VSNL1: variants seen among roughly 807,000 people sequenced by gnomAD.
VSNL1 encodes visinin-like protein 1.
In VSNL1, 6 loss-of-function variants were observed where a neutral mutation model predicts 20.4. The ratio of observed to expected loss-of-function variants is 0.29; its 90% CI spans 0.16 to 0.58. The LOEUF is 0.58. VSNL1 is among the 20% of genes least tolerant of loss of function. The pLI is 0.90. For synonymous variants in VSNL1, 93 were observed against 86.4 expected, an observed-to-expected ratio of 1.08 and a Z score of -0.42; for missense variants, 100 against 234.5, an observed-to-expected ratio of 0.43 and a Z score of 3.75.
At chr2:17,583,671 C>T (rs1016089236) in intron 1 of VSNL1, among the ~76,000 whole-genome samples, 5 of 152,348 alleles carry the variant, frequency 3.3e-5, no homozygotes, top group Non-Finnish European at 7.3e-5. Context: ...GGAAACTTCA[C>T]TCAATGGTTG....
chr2:17,556,574 A>T (rs1663683106), intron 1 of VSNL1, among the ~76,000 whole-genome samples: 1 of 152,204 alleles, frequency 6.6e-6, no homozygotes, highest in African/African-American at 2.4e-5. Flanking sequence ...TTGTGCATGT[A>T]ACATACTTAG....
intron 1 of VSNL1, among the ~76,000 whole-genome samples, chr2:17,576,520 G>A (rs1440962867): frequency 1.3e-5 from 2 of 152,106 alleles, no homozygotes; most frequent in Non-Finnish European, 2.9e-5. Context: ...TTATTTGTAG[G>A]TGTAAACTTG....
At position 17,563,667 on chromosome 2, in the gene VSNL1, T is replaced by C. The variant is rs188773778; in HGVS notation, c.-6+22749T>C. Reference sequence around the variant, plus strand: ...ATCACTTGAACTCAGGAGGCGGAGGTTGCAGTGAGCCGAGATCGCACCACT... The same window carrying C: ...ATCACTTGAACTCAGGAGGCGGAGGCTGCAGTGAGCCGAGATCGCACCACT... On this transcript the variant is annotated intron_variant, in intron 1 of 3. Transcript: ENST00000295156. 5.9e-5 allele frequency among the ~76,000 whole-genome samples: 9 copies of C among 152,030 alleles called. No individual in the cohort carries two copies. In the East Asian group the frequency reaches 1.7e-3, roughly 29 times the overall value.
intron 1 of VSNL1, among the ~76,000 whole-genome samples, chr2:17,571,027 A>G (rs1397891892): frequency 6.6e-6 from 1 of 151,328 alleles, no homozygotes; most frequent in Non-Finnish European, 1.5e-5. Context: ...CTCCATCTCA[A>G]AAAAAAAATA....
intron 2 of VSNL1, among the ~76,000 whole-genome samples, chr2:17,616,396 ACTTT>A (rs1264363622): frequency 1.3e-5 from 2 of 152,190 alleles, no homozygotes; most frequent in African/African-American, 2.4e-5. Context: ...CCAATCGGTG[ACTTT>A]CTTTATCATG....
intron 1 of VSNL1, among the ~76,000 whole-genome samples, chr2:17,583,753 A>G (rs530032089): frequency 3.9e-5 from 6 of 152,310 alleles, no homozygotes; most frequent in Admixed American, 1.3e-4. Context: ...ACTTTTATGT[A>G]AAGGAAGGAG....
In VSNL1 at chr2:17,649,062, G is replaced by A. The variant is rs1312118193; in HGVS notation, c.163-348G>A. Among the ~76,000 whole-genome samples the A allele has an allele frequency of 6.6e-6, 1 of 152,102 alleles. No homozygotes were observed. Among genetic ancestry groups the A allele is most frequent in the African/African-American group, 2.4e-5 (1 of 41,426 alleles). ...TCGTGTAGCACCACCTGTGTGGGGA[G>A]AGAAACTGCTGTCTGCCTCAGTCCT... On this transcript the variant is annotated intron_variant, in intron 2 of 3. Coordinates refer to ENST00000295156, the MANE Select transcript of VSNL1 (RefSeq NM_003385.5). This position sits in a 1 kb window ranked among gnomAD's most constrained non-coding sequence, Gnocchi z 6.4.
chr2:17,604,018 C>G, intron 2 of VSNL1, among the ~76,000 whole-genome samples: 1 of 152,140 alleles, frequency 6.6e-6, no homozygotes, highest in Non-Finnish European at 1.5e-5. Flanking sequence ...CCATGGATAT[C>G]CCAGGCCATC....
chr2:17,627,741 G>A (rs1187665632), intron 2 of VSNL1, among the ~76,000 whole-genome samples: 1 of 152,208 alleles, frequency 6.6e-6, no homozygotes, highest in African/African-American at 2.4e-5. Flanking sequence ...CAATAGTGAT[G>A]TTACCTTCAA....
At chr2:17,653,146 T>G (rs1464012734) in intron 3 of VSNL1, among the ~76,000 whole-genome samples, 2 of 152,206 alleles carry the variant, frequency 1.3e-5, no homozygotes. Flanking sequence ...GAGTCTGGCA[T>G]GCCCGGCCTT....
At chr2:17,552,571 C>T (rs1001630511) in intron 1 of VSNL1, among the ~76,000 whole-genome samples, 2 of 152,170 alleles carry the variant, frequency 1.3e-5, no homozygotes, top group African/African-American at 4.8e-5. Context: ...TCACTGCCGT[C>T]CCCATCCTTC....
At chr2:17,650,982 C>T (rs1048537795) in intron 3 of VSNL1, among the ~76,000 whole-genome samples, 2 of 152,214 alleles carry the variant, frequency 1.3e-5, no homozygotes, top group African/African-American at 2.4e-5. Context: ...AGATACAGCA[C>T]AATAATTCTG....
chr2:17,582,454 G>A (rs1664370237), intron 1 of VSNL1, among the ~76,000 whole-genome samples: 1 of 152,176 alleles, frequency 6.6e-6, no homozygotes. Flanking sequence ...GGAGAAGCAA[G>A]TTAGGAAGCT....
At chr2:17,640,810 C>T (rs1665867890) in intron 2 of VSNL1, among the ~76,000 whole-genome samples, 1 of 152,062 alleles carries the variant, frequency 6.6e-6, no homozygotes, top group Non-Finnish European at 1.5e-5. Flanking sequence ...TATTCATTTC[C>T]TCATTTATCC....
At chr2:17,599,349 A>G (rs1198231759) in intron 2 of VSNL1, among the ~76,000 whole-genome samples, 1 of 152,000 alleles carries the variant, frequency 6.6e-6, no homozygotes, top group Non-Finnish European at 1.5e-5. Context: ...AAAAAATCTC[A>G]TTGACTAAGA....
At chr2:17,612,953 T>G (rs1177536200) in intron 2 of VSNL1, among the ~76,000 whole-genome samples, 3 of 152,132 alleles carry the variant, frequency 2.0e-5, no homozygotes, top group Admixed American at 1.3e-4. Context: ...GTGCTTCCAG[T>G]GCAGTGCAGT....
At chr2:17,638,434 T>G (rs1164565742) in intron 2 of VSNL1, among the ~76,000 whole-genome samples, 1 of 152,198 alleles carries the variant, frequency 6.6e-6, no homozygotes, top group Non-Finnish European at 1.5e-5. Flanking sequence ...TTGGTAGAAC[T>G]CCTAGGGCTC....
intron 3 of VSNL1, among the ~76,000 whole-genome samples, chr2:17,652,605 C>T (rs1666144787): frequency 6.6e-6 from 1 of 152,208 alleles, no homozygotes; most frequent in African/African-American, 2.4e-5. Flanking sequence ...GAAGAATGGA[C>T]AACAGGCTTC....
intron 1 of VSNL1, among the ~76,000 whole-genome samples, chr2:17,573,813 C>G (rs1443578381): frequency 6.6e-6 from 1 of 152,206 alleles, no homozygotes; most frequent in East Asian, 1.9e-4. Flanking sequence ...GGAACAAGAT[C>G]TGCCACAGAT....
Sources: gnomAD v4.1 joint callset for allele counts (sites outside exome capture counted in the v4.1 genomes callset) on GRCh38, gnomAD v4.1.1 for gene constraint, Gnocchi (gnomAD v3.1) non-coding constraint, MANE v1.5 for transcripts, NCBI Gene and HGNC (gene_info 2026-07-23, HGNC 2026-07-21) for gene names.